The following PCDHA8 variants were observed in gnomAD, a reference collection of about 807,000 sequenced individuals.
PCDHA8 encodes protocadherin alpha 8.
In PCDHA8, 53 loss-of-function variants were observed where a neutral mutation model predicts 61.8. The observed-to-expected ratio is 0.86, with a 90% confidence interval of 0.69 to 1.08. The LOEUF is 1.08. Ranked by LOEUF, PCDHA8 falls within the 50% of genes least tolerant of loss-of-function variation. PCDHA8 has a pLI of 0.00. For missense variants in PCDHA8, 1,293 were observed against 1,245.0 expected (o/e 1.04, Z -0.58); for synonymous variants, 618 against 556.6 (o/e 1.11, Z -1.55).
At chr5:140,877,925 T>C in intron 1 of PCDHA8, 1 of 1,421,700 alleles carries the variant, frequency 7.0e-7, no homozygotes, top group Non-Finnish European at 9.2e-7. Flanking sequence ...TTTTTCTTTA[T>C]GATTCTATCC....
intron 1 of PCDHA8, among the ~76,000 whole-genome samples, chr5:140,915,973 T>G (rs1472373994): frequency 3.9e-5 from 6 of 152,150 alleles, no homozygotes; most frequent in African/African-American, 1.4e-4. Context: ...TGATATTTTA[T>G]TTGACTACGG....
intron 2 of PCDHA8, among the ~76,000 whole-genome samples, chr5:140,979,612 G>A (rs1223690856): frequency 6.6e-6 from 1 of 152,042 alleles, no homozygotes; most frequent in Admixed American, 6.6e-5. Flanking sequence ...CTAGAGTAAC[G>A]GTATTAGTCT....
At chr5:140,960,068 T>C (rs144291604) in intron 1 of PCDHA8, among the ~76,000 whole-genome samples, 1 of 152,358 alleles carries the variant, frequency 6.6e-6, no homozygotes, top group African/African-American at 2.4e-5. Flanking sequence ...GAAGATTCAA[T>C]TGAAGTTTCT....
rs371269236 is a variant in PCDHA8, at chr5:141,009,740, G to A, written c.2656G>A (p.Asp886Asn). Residue 886 changes from aspartate to asparagine, a missense_variant, in exon 4 of 4, where the codon GAC becomes AAC. Asp to Asn is a conservative substitution (Grantham distance 23, BLOSUM62 1). Coordinates refer to ENST00000531613, the MANE Select transcript of PCDHA8 (RefSeq NM_018911.3). ...PKQSGPGELP[D>N]KFIIPGSPAI... ...ACAATCCGGTCCCGGTGAGTTGCCC[G>A]ACAAATTCATTATCCCAGGATCTCC... The A allele has an allele frequency of 1.8e-4, 293 of 1,613,962 alleles. No individual in the cohort carries two copies. Among genetic ancestry groups the A allele is most frequent in the East Asian group, 1.6e-3 (74 of 44,884 alleles).
intron 3 of PCDHA8, among the ~76,000 whole-genome samples, chr5:140,997,458 G>A (rs1167865060): frequency 5.3e-5 from 8 of 152,070 alleles, no homozygotes; most frequent in African/African-American, 1.7e-4. Flanking sequence ...ACTGAATACT[G>A]TAGGCAATTT....
rs2150325342 is a variant in PCDHA8, at chr5:140,841,910, A to C, written c.589A>C (p.Arg197=). The change falls in exon 1 of 4, where the codon AGA becomes CGA. Residue 197 remains arginine, a synonymous_variant. Transcript: ENST00000531613. ...DENKLVELVL[R]KSLDREDAPA... is the part of the protein sequence containing the mutation. ...GAATAAACTGGTTGAGCTCGTATTA[A>C]GAAAATCCTTGGACAGAGAGGACGC... 1.2e-6 allele frequency: 2 copies of C among 1,613,928 alleles called. No individual in the cohort carries two copies. The highest frequency in any genetic ancestry group is 3.3e-5 in the Admixed American group (2 of 60,008).
intron 1 of PCDHA8, chr5:140,882,151 G>C (rs529033742): frequency 6.7e-7 from 1 of 1,503,572 alleles, no homozygotes; most frequent in African/African-American, 1.4e-5. Flanking sequence ...AGCAGAAAGC[G>C]GAATACCTCT....
rs569728778 is a variant in PCDHA8 at position 140,900,297 on chromosome 5, T to G, written c.2394+56582T>G. 1.4e-4 allele frequency among the ~76,000 whole-genome samples: 22 copies of G among 151,920 alleles called. No individual in the cohort carries two copies. In the East Asian group the frequency reaches 4.1e-3, roughly 28 times the overall value. On this transcript the variant is annotated intron_variant, in intron 1 of 3. Transcript: ENST00000531613. Reference sequence around the variant, plus strand: ...TACCACACTTTCTTTTCTGTTTTTTTAGACAGTCTCACTTTTGTCGCCCAG... The same window carrying G: ...TACCACACTTTCTTTTCTGTTTTTTGAGACAGTCTCACTTTTGTCGCCCAG...
Position 140,884,467 on chromosome 5 carries a change from G to C in PCDHA8, c.2394+40752G>C, listed in dbSNP as rs199814121. 11 of 1,613,778 alleles carry C rather than the reference G, an allele frequency of 6.8e-6. No homozygotes were observed. The South Asian group carries it at 8.8e-5, about 13-fold the overall frequency. On this transcript the variant is annotated intron_variant, in intron 1 of 3. Transcript: ENST00000531613. ...CACCGCCCACCGAGGGCGCGTGCGC[G>C]CCGGGCAAGCCCACTCTAGTGTGCT...
At chr5:140,930,416 T>C (rs1554207810) in intron 1 of PCDHA8, 1 of 151,928 alleles carries the variant, frequency 6.6e-6, no homozygotes, top group East Asian at 1.9e-4. Flanking sequence ...GAGACAGGGG[T>C]CTCACTATGT....
In PCDHA8 at chr5:140,871,306, A is replaced by T. The variant is rs782244596; in HGVS notation, c.2394+27591A>T. The T allele has an allele frequency of 3.7e-6, 6 of 1,613,964 alleles. No homozygotes were observed. In the East Asian group the frequency reaches 1.3e-4, roughly 36 times the overall value. ...CACTGAGGGCGCGTGCGCGCCGGGG[A>T]AGCCCACGCTGGTGTGCTCCCGCGC... On this transcript the variant is annotated intron_variant, in intron 1 of 3. Transcript: ENST00000531613.
chr5:141,009,880 C>T lies in PCDHA8; in HGVS notation c.2796C>T (p.Asn932=). ...AAAAGAAGAAAAAGAAGAAGGGTAACAAGACCCAGGAGAAAAAAGAGAAAG... is the reference window on the plus strand; with the variant it reads ...AAAAGAAGAAAAAGAAGAAGGGTAATAAGACCCAGGAGAAAAAAGAGAAAG... The part of the protein sequence containing the change: ...TKKKKKKKKG[N]KTQEKKEKGN... Residue 932 remains asparagine, a synonymous_variant, in exon 4 of 4, where the codon AAC becomes AAT. Transcript: ENST00000531613. 1 of 1,613,788 alleles carries T rather than the reference C, an allele frequency of 6.2e-7. No individual in the cohort carries two copies. The highest frequency in any genetic ancestry group is 8.5e-7 in the Non-Finnish European group (1 of 1,179,974).
chr5:140,841,202 A>AT lies in PCDHA8; in HGVS notation c.-119dup. ...TGTTCAAAGTCTTTTCTCTGACAGC[A>AT]TCTGTCTCTAAAGGCCGAACAACGG... On this transcript the variant is annotated 5_prime_UTR_variant, in exon 1 of 4. Transcript: ENST00000531613. The AT allele has an allele frequency of 7.6e-7, 1 of 1,311,932 alleles. No homozygotes were observed. Among genetic ancestry groups the AT allele is most frequent in the East Asian group, 2.4e-5 (1 of 42,082 alleles). The allele number at this position is 1,311,932 out of a possible 1,614,324, so 81.3% of individuals were successfully genotyped here. A position where few individuals can be genotyped will look rare whatever the true frequency, so the allele number is the denominator to read the frequency against.
rs550922282 is a variant in PCDHA8, at chr5:140,927,864, T to C, written c.2395-51085T>C. On this transcript the variant is annotated intron_variant, in intron 1 of 3. Transcript: ENST00000531613. The stretch of plus-strand genomic sequence containing the variant: ...GTGTCTTTGGTTTAGCTAGCACCGC[T>C]AAACTGCTGGTGGAGGTGACTGACG... The C allele has an allele frequency of 6.8e-6, 11 of 1,614,200 alleles. No homozygotes were observed. In the South Asian group the frequency reaches 1.2e-4, roughly 18 times the overall value.
Position 140,968,634 on chromosome 5 carries a change from A to G in PCDHA8, c.2395-10315A>G, listed in dbSNP as rs782166097. ...GGGCAAAATGCTTGGCTTTTTTACC[A>G]TCTAGCCCAGACTTCTGACCTGGAC... On this transcript the variant is annotated intron_variant, in intron 1 of 3. Coordinates refer to ENST00000531613, the MANE Select transcript of PCDHA8 (RefSeq NM_018911.3). 14 of 1,614,176 alleles carry G rather than the reference A, an allele frequency of 8.7e-6. 1 individual carries two copies. The South Asian group carries it at 1.3e-4, about 15-fold the overall frequency.
Position 140,842,950 on chromosome 5 carries a change from G to A in PCDHA8, c.1629G>A (p.Pro543=), listed in dbSNP as rs2150348605. ...TGAGCGCGCGCGACGCGGGCGTGCC[G>A]CCTCTGGGCAGCAACGTGACGCTGC... ...FQVSARDAGV[P]PLGSNVTLQV... is the part of the protein sequence containing the mutation. Residue 543 remains proline (P), a synonymous_variant, in exon 1 of 4, where the codon CCG becomes CCA. Transcript: ENST00000531613. The A allele has an allele frequency of 6.3e-7, 1 of 1,594,728 alleles. No homozygotes were observed. The highest frequency in any genetic ancestry group is 2.2e-5 in the East Asian group (1 of 44,810).
chr5:140,882,580 C>G (rs371338305), intron 1 of PCDHA8: 3 of 1,614,244 alleles, frequency 1.9e-6, no homozygotes, highest in East Asian at 4.5e-5. Flanking sequence ...AGTGCAGCAT[C>G]CACCTGGAGG....
chr5:140,863,231 C>G (rs189351986), intron 1 of PCDHA8: 1 of 1,227,526 alleles, frequency 8.1e-7, no homozygotes, highest in Non-Finnish European at 1.2e-6. Flanking sequence ...AAGGTCCCAT[C>G]GCGGGCTTTG....
chr5:140,841,947 A>G lies in PCDHA8; in HGVS notation c.626A>G (p.His209Arg), dbSNP rs2150326341. 2.5e-6 allele frequency: 4 copies of G among 1,613,886 alleles called. No individual in the cohort carries two copies. Among genetic ancestry groups the G allele is most frequent in the Admixed American group, 3.3e-5 (2 of 60,004 alleles). The change falls in exon 1 of 4, where the codon CAC (histidine) becomes CGC (arginine). Residue 209 changes from histidine to arginine, a missense_variant. His to Arg is a conservative substitution (Grantham distance 29). Coordinates refer to ENST00000531613, the MANE Select transcript of PCDHA8 (RefSeq NM_018911.3). ...GACAGAGAGGACGCTCCTGCGCACC[A>G]CTTATTCCTGACAGCCACAGATGGG... ...SLDREDAPAHHLFLTATDGGK... is the reference protein window; with the variant it reads ...SLDREDAPAHRLFLTATDGGK...
Sources: allele counts gnomAD v4.1 joint callset (sites outside exome capture counted in the v4.1 genomes callset), GRCh38; gene constraint gnomAD v4.1.1; transcripts MANE v1.5; gene names NCBI Gene and HGNC (gene_info 2026-07-23, HGNC 2026-07-21).